ATRN: variants seen among roughly 807,000 people sequenced by gnomAD.
The protein encoded by ATRN is attractin-2.
ATRN carries 54 observed loss-of-function variants against 178.7 expected under a neutral mutation model. The ratio of observed to expected loss-of-function variants is 0.30; its 90% CI spans 0.24 to 0.38. The LOEUF (loss-of-function observed/expected upper bound fraction) is 0.38, where lower values mean the gene tolerates loss of function less well. ATRN is among the 10% of genes least tolerant of loss of function. ATRN has a pLI of 1.00. For synonymous variants in ATRN, 636 were observed against 663.0 expected (o/e 0.96, Z 0.63); for missense variants, 1,443 against 1,815.1 (o/e 0.79, Z 3.73).
Position 3,638,791 on chromosome 20 carries a change from C to A in ATRN, c.3943-37C>A. ...ATTAACTAATAAAACCCCTTCAGTA[C>A]TCATTCCATTAATGGCTTTGCCATA... is the stretch of plus-strand genomic sequence containing the variant. On this transcript the variant is annotated intron_variant, in intron 26 of 28. Transcript: ENST00000262919. The surrounding 1 kb of genome is among the most constrained non-coding windows in gnomAD (Gnocchi z 4.5). The A allele has an allele frequency of 6.3e-7, 1 of 1,578,284 alleles. No homozygotes were observed. Among genetic ancestry groups the A allele is most frequent in the Non-Finnish European group, 8.7e-7 (1 of 1,148,028 alleles).
At chr20:3,529,779 TTTA>T (rs2085424928) in intron 1 of ATRN, among the ~76,000 whole-genome samples, 1 of 152,194 alleles carries the variant, frequency 6.6e-6, no homozygotes, top group Non-Finnish European at 1.5e-5. Context: ...GTGGCTGCAT[TTTA>T]TTATATGTAA....
rs966866927 is a variant in ATRN at position 3,597,841 on chromosome 20, C to T, written c.3470-65C>T. On this transcript the variant is annotated intron_variant, in intron 21 of 28. Transcript: ENST00000262919. ...AATTTATAAGAAAAGCAGCCTGTATCTCTAAAGACCTGTTCTATTTTGTGT... is the reference window on the plus strand; with the variant it reads ...AATTTATAAGAAAAGCAGCCTGTATTTCTAAAGACCTGTTCTATTTTGTGT... 6.1e-6 allele frequency: 6 copies of T among 983,758 alleles called. No individual in the cohort carries two copies. In the African/African-American group the frequency reaches 9.8e-5, roughly 16 times the overall value. 60.9% of individuals were successfully genotyped at this position (983,758 alleles called of 1,614,324 possible).
chr20:3,471,188 C>A lies in ATRN; in HGVS notation c.81C>A (p.Gly27=). The A allele has an allele frequency of 6.7e-7, 1 of 1,502,040 alleles. No individual in the cohort carries two copies. 93.0% of individuals were successfully genotyped at this position (1,502,040 alleles called of 1,614,324 possible). The change falls in exon 1 of 29, where the codon GGC becomes GGA. Residue 27 remains glycine (G), a synonymous_variant. Transcript: ENST00000262919. ...CGGCAGCGCTCGCGGGCAGGAGCGG[C>A]GGGCCGCACTGGGACTGGGACGTGA... ...AATAALAGRS[G]GPHWDWDVTR...
chr20:3,614,984 A>T (rs566831303), intron 24 of ATRN, among the ~76,000 whole-genome samples: 58 of 152,318 alleles, frequency 3.8e-4, no homozygotes, highest in African/African-American at 1.3e-3. Context: ...TTATATGTAT[A>T]TACCACGTTT....
At chr20:3,530,263 T>C (rs548820080) in intron 1 of ATRN, among the ~76,000 whole-genome samples, 174 of 147,684 alleles carry the variant, frequency 1.2e-3, no homozygotes, top group African/African-American at 4.0e-3. Context: ...ATATTATATA[T>C]ATATGTTTTT....
intron 1 of ATRN, among the ~76,000 whole-genome samples, chr20:3,479,640 A>G (rs2084590431): frequency 6.6e-6 from 1 of 152,242 alleles, no homozygotes; most frequent in African/African-American, 2.4e-5. Context: ...CTCATGGCAT[A>G]AAACAACAGA....
chr20:3,537,487 C>T (rs1410124307), intron 2 of ATRN, among the ~76,000 whole-genome samples: 4 of 141,202 alleles, frequency 2.8e-5, no homozygotes, highest in African/African-American at 1.0e-4. Context: ...ATATTTTTTT[C>T]TTGTTTTTTT....
chr20:3,589,362 C>G (rs148741661), intron 18 of ATRN, among the ~76,000 whole-genome samples: 153 of 151,588 alleles, frequency 1.0e-3, no homozygotes, highest in African/African-American at 3.5e-3. Context: ...AACCTGTTAA[C>G]GATTTTTTTT....
chr20:3,528,299 G>A (rs1600077389), intron 1 of ATRN, among the ~76,000 whole-genome samples: 1 of 151,940 alleles, frequency 6.6e-6, no homozygotes, highest in African/African-American at 2.4e-5. Context: ...CCCAGGAGGC[G>A]GAGGTTGCAG....
intron 1 of ATRN, among the ~76,000 whole-genome samples, chr20:3,510,632 C>T (rs1207495388): frequency 1.3e-5 from 2 of 152,050 alleles, no homozygotes; most frequent in Non-Finnish European, 2.9e-5. Context: ...ATTCAAGTTA[C>T]GAATCCTTGA....
intron 24 of ATRN, among the ~76,000 whole-genome samples, chr20:3,605,975 C>G (rs1423287852): frequency 6.6e-6 from 1 of 152,170 alleles, no homozygotes; most frequent in Admixed American, 6.5e-5. Context: ...GACTAAAGAA[C>G]AGTTGATCTT....
chr20:3,558,094 C>T (rs1297964394), intron 6 of ATRN, among the ~76,000 whole-genome samples: 6 of 152,086 alleles, frequency 3.9e-5, no homozygotes, highest in Admixed American at 3.9e-4. Context: ...CCAGAGATAA[C>T]CTGTATCCTG....
At chr20:3,493,179 G>A (rs936771994) in intron 1 of ATRN, among the ~76,000 whole-genome samples, 1 of 148,790 alleles carries the variant, frequency 6.7e-6, no homozygotes, top group African/African-American at 2.5e-5. Context: ...TTAGAGACAG[G>A]TTCTCACTCT....
At chr20:3,531,341 C>T (rs1009148682) in intron 1 of ATRN, among the ~76,000 whole-genome samples, 1 of 152,188 alleles carries the variant, frequency 6.6e-6, no homozygotes, top group African/African-American at 2.4e-5. Context: ...AATTTGACAG[C>T]TTGGTTAACA....
In ATRN at chr20:3,602,894, C is replaced by T. The variant is rs543865425; in HGVS notation, c.3644-1211C>T. Reference sequence around the variant, plus strand: ...AGGAGAATTGCTTGAACCTGGGAGGCGGAGGTTGCAGTGACCCAAGATTGC... The same window carrying T: ...AGGAGAATTGCTTGAACCTGGGAGGTGGAGGTTGCAGTGACCCAAGATTGC... On this transcript the variant is annotated intron_variant, in intron 23 of 28. Transcript: ENST00000262919. Among the ~76,000 whole-genome samples the T allele has an allele frequency of 2.2e-3, 282 of 129,672 alleles. 1 individual carries two copies. Among genetic ancestry groups the T allele is most frequent in the Non-Finnish European group, 3.2e-3 (206 of 63,914 alleles). 85.1% of individuals were successfully genotyped at this position (129,672 alleles called of 152,430 possible). A position where few individuals can be genotyped will look rare whatever the true frequency, so the allele number is the denominator to read the frequency against.
At chr20:3,550,463 C>G (rs116868118) in intron 6 of ATRN, among the ~76,000 whole-genome samples, 2 of 152,300 alleles carry the variant, frequency 1.3e-5, no homozygotes, top group South Asian at 4.1e-4. Context: ...GGCCCAATCT[C>G]TATTCCCATT....
chr20:3,595,305 C>T (rs911287098), intron 20 of ATRN, among the ~76,000 whole-genome samples: 1 of 152,238 alleles, frequency 6.6e-6, no homozygotes. Context: ...CATGTATCCG[C>T]ATTTACTCAT....
intron 11 of ATRN, 35 bp downstream of exon 11, chr20:3,565,467 G>A (rs750867140): frequency 6.3e-7 from 1 of 1,574,828 alleles, no homozygotes; most frequent in Admixed American, 1.7e-5. Context: ...TTTCTTTTGT[G>A]TTTAAAATGA....
chr20:3,542,473 G>GTTT (rs35448704), intron 3 of ATRN, among the ~76,000 whole-genome samples: 1 of 143,444 alleles, frequency 7.0e-6, no homozygotes, highest in Non-Finnish European at 1.5e-5. Flanking sequence ...TCCTTTTAGA[G>GTTT]TTTTTTTTTT....
Sources: gnomAD v4.1 joint callset for allele counts (sites outside exome capture counted in the v4.1 genomes callset) on GRCh38, gnomAD v4.1.1 for gene constraint, Gnocchi (gnomAD v3.1) non-coding constraint, MANE v1.5 for transcripts, NCBI Gene and HGNC (gene_info 2026-07-23, HGNC 2026-07-21) for gene names.